The following ADAMTS19 variants were observed in gnomAD, a reference collection of about 807,000 sequenced individuals.
The protein encoded by ADAMTS19 is A disintegrin and metalloproteinase with thrombospondin motifs 19.
ADAMTS19 carries 93 observed loss-of-function variants against 153.3 expected under a neutral mutation model. The observed-to-expected ratio is 0.61, with a 90% CI of 0.51 to 0.72. The LOEUF is 0.72. Among genes scored for constraint, ADAMTS19 ranks in the 30% least tolerant of loss-of-function variants. The probability of loss-of-function intolerance (pLI) is 0.00; values close to 1 mark genes in which losing one functional copy is unlikely to be tolerated. For missense variants in ADAMTS19, 1,482 were observed against 1,552.1 expected (o/e 0.95, Z 0.76); for synonymous variants, 600 against 556.6 (o/e 1.08, Z -1.10).
At chr5:129,645,113 T>C (rs527845879) in intron 11 of ADAMTS19, among the ~76,000 whole-genome samples, 1 of 152,310 alleles carries the variant, frequency 6.6e-6, no homozygotes, top group Admixed American at 6.5e-5. Flanking sequence ...TATAGAACTA[T>C]AATTAGTGTG....
chr5:129,540,573 C>T (rs1561560318), intron 6 of ADAMTS19, among the ~76,000 whole-genome samples: 1 of 151,970 alleles, frequency 6.6e-6, no homozygotes, highest in Non-Finnish European at 1.5e-5. Flanking sequence ...ACGTATAATA[C>T]ATGTGAAAGT....
chr5:129,461,199 C>T lies in ADAMTS19; in HGVS notation c.189C>T (p.Ser63=). The T allele has an allele frequency of 2.3e-6, 3 of 1,327,310 alleles. No individual in the cohort carries two copies. Among genetic ancestry groups the T allele is most frequent in the Non-Finnish European group, 1.9e-6 (2 of 1,041,314 alleles). 82.2% of individuals were successfully genotyped at this position (1,327,310 alleles called of 1,614,324 possible). A position where few individuals can be genotyped will look rare whatever the true frequency, so the allele number is the denominator to read the frequency against. ...ACCCGGCTGGCGGCAGCGGGGGCAG[C>T]GCGGACCCGGGCTGGGTGCGCGGCG... is the stretch of plus-strand genomic sequence containing the variant. ...PVDPAGGSGG[S]ADPGWVRGVG... The change falls in exon 2 of 23, where the codon AGC becomes AGT. Residue 63 remains serine (S), a synonymous_variant. Coordinates refer to ENST00000274487, the MANE Select transcript of ADAMTS19 (RefSeq NM_133638.6). The surrounding 1 kb of genome is among the most constrained non-coding windows in gnomAD (Gnocchi z 4.6).
chr5:129,483,994 A>T (rs973109016), intron 2 of ADAMTS19, among the ~76,000 whole-genome samples: 2 of 152,184 alleles, frequency 1.3e-5, no homozygotes, highest in Non-Finnish European at 2.9e-5. Context: ...TTACACTCTC[A>T]CTAACTGTAG....
intron 2 of ADAMTS19, among the ~76,000 whole-genome samples, chr5:129,478,990 T>C (rs752539267): frequency 2.0e-5 from 3 of 152,188 alleles, no homozygotes; most frequent in Admixed American, 6.5e-5. Flanking sequence ...CATATACATA[T>C]TGCCATAAGG....
intron 6 of ADAMTS19, among the ~76,000 whole-genome samples, chr5:129,538,120 T>C (rs369582153): frequency 1.3e-4 from 20 of 152,126 alleles, no homozygotes; most frequent in African/African-American, 4.6e-4. Context: ...CTTCTGAGAC[T>C]AAAGAAGACG....
intron 21 of ADAMTS19, among the ~76,000 whole-genome samples, chr5:129,711,177 G>A (rs1397752805): frequency 6.6e-6 from 1 of 151,778 alleles, no homozygotes; most frequent in Non-Finnish European, 1.5e-5. Flanking sequence ...TAAATTTAAG[G>A]GAATAATTAG....
chr5:129,641,630 A>T (rs544615959), intron 10 of ADAMTS19, among the ~76,000 whole-genome samples: 1 of 152,280 alleles, frequency 6.6e-6, no homozygotes, highest in African/African-American at 2.4e-5. Context: ...GTTTTAAAAG[A>T]TTTAACTTTA....
At chr5:129,546,983 T>G (rs978393159) in intron 6 of ADAMTS19, among the ~76,000 whole-genome samples, 1 of 151,012 alleles carries the variant, frequency 6.6e-6, no homozygotes, top group African/African-American at 2.5e-5. Flanking sequence ...AGGAAGAGCT[T>G]TAGACATTCT....
chr5:129,682,475 A>G (rs1045257359), intron 17 of ADAMTS19, among the ~76,000 whole-genome samples: 4 of 152,232 alleles, frequency 2.6e-5, no homozygotes, highest in African/African-American at 9.6e-5. Flanking sequence ...TTCAAGGACA[A>G]TCTAAAGTTC....
intron 11 of ADAMTS19, among the ~76,000 whole-genome samples, chr5:129,645,312 A>G (rs1318441744): frequency 6.6e-6 from 1 of 152,202 alleles, no homozygotes; most frequent in East Asian, 1.9e-4. Context: ...CCCTAATGAT[A>G]TTTATGGAAA....
intron 6 of ADAMTS19, among the ~76,000 whole-genome samples, chr5:129,536,395 T>C (rs145170762): frequency 0.013 from 2,001 of 152,226 alleles, 41 homozygotes; most frequent in African/African-American, 0.045. Context: ...TGGCAATCAT[T>C]AAAGAGTTAG....
chr5:129,734,457 A>C (rs1241341767), intron 21 of ADAMTS19, among the ~76,000 whole-genome samples: 1 of 152,036 alleles, frequency 6.6e-6, no homozygotes, highest in Non-Finnish European at 1.5e-5. Context: ...TAAACATTTT[A>C]AGGCCAGAGA....
At chr5:129,614,857 T>G (rs1751431214) in intron 8 of ADAMTS19, among the ~76,000 whole-genome samples, 1 of 152,070 alleles carries the variant, frequency 6.6e-6, no homozygotes, top group South Asian at 2.1e-4. Context: ...ACAAAAGCAA[T>G]GTGCAAAAAT....
At chr5:129,687,010 G>T (rs1256852501) in intron 18 of ADAMTS19, among the ~76,000 whole-genome samples, 2 of 151,942 alleles carry the variant, frequency 1.3e-5, no homozygotes, top group African/African-American at 2.4e-5. Flanking sequence ...GCAAATTCCT[G>T]TTCCTCTGCT....
Position 129,662,018 on chromosome 5 carries a change from G to C in ADAMTS19, c.2425+3281G>C, listed in dbSNP as rs1468936046. Among the ~76,000 whole-genome samples the C allele has an allele frequency of 2.0e-5, 3 of 152,114 alleles. No homozygotes were observed. In the East Asian group the frequency reaches 5.8e-4, roughly 29 times the overall value. The stretch of plus-strand genomic sequence containing the variant: ...GCTAAATTACTGACAATGCAGTGTT[G>C]GAAAGTGTTTTTTTCCTCTATCTTT... On this transcript the variant is annotated intron_variant, in intron 15 of 22. Coordinates refer to ENST00000274487, the MANE Select transcript of ADAMTS19 (RefSeq NM_133638.6).
chr5:129,551,954 C>CAAGTG, intron 7 of ADAMTS19, 47 bp downstream of exon 7: 2 of 1,262,146 alleles, frequency 1.6e-6, no homozygotes, highest in Non-Finnish European at 2.2e-6. Flanking sequence ...AGAACTTGAA[C>CAAGTG]ATATCACTTG....
intron 21 of ADAMTS19, among the ~76,000 whole-genome samples, chr5:129,715,093 TC>T (rs1277779915): frequency 5.9e-5 from 9 of 152,216 alleles, no homozygotes; most frequent in African/African-American, 1.9e-4. Context: ...GGTTTGTTAA[TC>T]ATATACATAT....
At chr5:129,575,756 C>T (rs909617620) in intron 7 of ADAMTS19, among the ~76,000 whole-genome samples, 9 of 151,874 alleles carry the variant, frequency 5.9e-5, no homozygotes, top group African/African-American at 9.7e-5. Context: ...TTATATTTTC[C>T]GAGGTACACT....
chr5:129,567,512 G>T (rs1378768290), intron 7 of ADAMTS19, among the ~76,000 whole-genome samples: 1 of 151,980 alleles, frequency 6.6e-6, no homozygotes, highest in East Asian at 1.9e-4. Flanking sequence ...TAAATAGAAA[G>T]AAAAAGCAAA....
Sources: gnomAD v4.1 joint callset for allele counts (sites outside exome capture counted in the v4.1 genomes callset) on GRCh38, gnomAD v4.1.1 for gene constraint, Gnocchi (gnomAD v3.1) non-coding constraint, MANE v1.5 for transcripts, NCBI Gene and HGNC (gene_info 2026-07-23, HGNC 2026-07-21) for gene names.